PDE4B: variants seen among roughly 807,000 people sequenced by gnomAD.
PDE4B encodes phosphodiesterase 4B, also known as 3',5'-cyclic-AMP phosphodiesterase 4B.
In PDE4B, 20 loss-of-function variants were observed where a neutral mutation model predicts 82.2. The ratio of observed to expected loss-of-function variants is 0.24; its 90% confidence interval spans 0.17 to 0.35. PDE4B has a LOEUF of 0.35. PDE4B is among the 10% of genes least tolerant of loss of function. The pLI, the probability that PDE4B is intolerant of heterozygous loss-of-function variation, is 1.00. For synonymous variants in PDE4B, 320 were observed against 318.9 expected, an observed-to-expected ratio of 1.00 and a Z score of -0.04; for missense variants, 655 against 907.2, an observed-to-expected ratio of 0.72 and a Z score of 3.57.
chr1:66,065,447 T>C (rs1055267515), intron 3 of PDE4B, among the ~76,000 whole-genome samples: 40 of 151,922 alleles, frequency 2.6e-4, no homozygotes, highest in African/African-American at 8.7e-4. Flanking sequence ...GCTTATGATC[T>C]AGAATTGATA....
At chr1:66,187,185 A>G (rs1163434948) in intron 3 of PDE4B, among the ~76,000 whole-genome samples, 2 of 152,094 alleles carry the variant, frequency 1.3e-5, no homozygotes, top group African/African-American at 4.8e-5. Flanking sequence ...GATGAAGCCC[A>G]CTTGATCATG....
intron 1 of PDE4B, among the ~76,000 whole-genome samples, chr1:65,829,489 A>G (rs938483562): frequency 6.6e-6 from 1 of 152,218 alleles, no homozygotes; most frequent in African/African-American, 2.4e-5. Context: ...CAACAAAAAC[A>G]TAATTTTTAT....
At chr1:66,368,366 C>T (rs966491434) in intron 15 of PDE4B, among the ~76,000 whole-genome samples, 7 of 152,198 alleles carry the variant, frequency 4.6e-5, no homozygotes, top group African/African-American at 9.7e-5. Flanking sequence ...GGATTTAAAT[C>T]CCATTGACTT....
At chr1:66,082,133 A>G (rs1171041445) in intron 3 of PDE4B, among the ~76,000 whole-genome samples, 1 of 152,088 alleles carries the variant, frequency 6.6e-6, no homozygotes, top group Admixed American at 6.6e-5. Flanking sequence ...CCCATTCCCC[A>G]AATCCCAGCA....
intron 3 of PDE4B, among the ~76,000 whole-genome samples, chr1:66,064,478 G>A (rs1302525524): frequency 1.3e-5 from 2 of 151,988 alleles, no homozygotes; most frequent in African/African-American, 4.8e-5. Flanking sequence ...GCAGTCCAGA[G>A]ATAGAGAGGG....
chr1:66,240,996 T>C (rs1202816290), intron 3 of PDE4B, among the ~76,000 whole-genome samples: 1 of 152,224 alleles, frequency 6.6e-6, no homozygotes, highest in African/African-American at 2.4e-5. Flanking sequence ...CTACCTCTGG[T>C]TGAGCCTTTC....
intron 3 of PDE4B, among the ~76,000 whole-genome samples, chr1:65,930,489 C>T (rs1003897086): frequency 5.3e-5 from 8 of 152,232 alleles, no homozygotes; most frequent in Admixed American, 1.3e-4. Context: ...ATTGGGGGGT[C>T]GAGCCCTGGA....
At chr1:66,151,348 G>A (rs1320547479) in intron 3 of PDE4B, among the ~76,000 whole-genome samples, 2 of 152,090 alleles carry the variant, frequency 1.3e-5, no homozygotes, top group African/African-American at 4.8e-5. Flanking sequence ...TTCCTAATGT[G>A]GAACTTGCTG....
At chr1:66,111,924 T>C (rs567762717) in intron 3 of PDE4B, among the ~76,000 whole-genome samples, 117 of 152,186 alleles carry the variant, frequency 7.7e-4, no homozygotes, top group Non-Finnish European at 1.5e-3. Flanking sequence ...TACCAGGTTC[T>C]TTGGCAAGAC....
chr1:65,839,989 T>C (rs1001913423), intron 1 of PDE4B, among the ~76,000 whole-genome samples: 2 of 152,162 alleles, frequency 1.3e-5, no homozygotes, highest in East Asian at 1.9e-4. Context: ...TGGTATCTCA[T>C]TGTGGTTTTG....
At chr1:66,008,598 A>G (rs1652289491) in intron 3 of PDE4B, among the ~76,000 whole-genome samples, 1 of 151,990 alleles carries the variant, frequency 6.6e-6, no homozygotes, top group East Asian at 1.9e-4. Flanking sequence ...TCCTCTATCT[A>G]TTGCTGTATT....
chr1:66,031,017 T>C (rs1653744129), intron 3 of PDE4B, among the ~76,000 whole-genome samples: 1 of 152,178 alleles, frequency 6.6e-6, no homozygotes, highest in East Asian at 1.9e-4. Context: ...ATATTATGCT[T>C]TCTGCCTGGG....
intron 1 of PDE4B, among the ~76,000 whole-genome samples, chr1:65,907,595 T>A (rs1647041619): frequency 6.6e-6 from 1 of 152,246 alleles, no homozygotes; most frequent in East Asian, 1.9e-4. Context: ...AACCTTCTTT[T>A]TCTTGAACTA....
rs377487849 is a variant in PDE4B at position 66,367,936 on chromosome 1, A to G, written c.1540-7A>G. The G allele has an allele frequency of 7.4e-6, 12 of 1,613,038 alleles. No individual in the cohort carries two copies. In the African/African-American group the frequency reaches 1.5e-4, roughly 20 times the overall value. ...TATTAAGAGTTTTCATTTTCTTTTT[A>G]CCCAAGGTGTTAGCAACTGATATGT... On this transcript the variant is annotated splice_polypyrimidine_tract_variant and splice_region_variant and intron_variant, in intron 14 of 16. Transcript: ENST00000341517.
At chr1:65,891,497 G>A (rs1428847945) in intron 1 of PDE4B, among the ~76,000 whole-genome samples, 4 of 152,074 alleles carry the variant, frequency 2.6e-5, no homozygotes, top group South Asian at 2.1e-4. Flanking sequence ...TCTCATTGGT[G>A]TATCATCTTG....
At chr1:65,812,112 T>C (rs550247228) in intron 1 of PDE4B, among the ~76,000 whole-genome samples, 7 of 152,278 alleles carry the variant, frequency 4.6e-5, no homozygotes, top group African/African-American at 1.7e-4. Context: ...AGGGCTTCTT[T>C]TGGCTTTGAG....
rs1471583640 is a variant in PDE4B, at chr1:65,818,683, C to CATATATATATATATATAT, written c.-71+25436_-71+25437insTATATATATATATATATA. ...GCATACATATATATTCACACACACA[C>CATATATATATATATATAT]ACATATATATATATATATATAAAAT... On this transcript the variant is annotated intron_variant, in intron 1 of 16. Transcript: ENST00000341517. Among the ~76,000 whole-genome samples, 4 of 45,548 alleles carry CATATATATATATATATAT rather than the reference C, an allele frequency of 8.8e-5. No homozygotes were observed. The East Asian group carries it at 2.2e-3, about 25-fold the overall frequency. The allele number at this position is 45,548 out of a possible 152,430, so 29.9% of individuals were successfully genotyped here.
intron 3 of PDE4B, among the ~76,000 whole-genome samples, chr1:66,218,652 G>A (rs1003168464): frequency 3.2e-4 from 49 of 151,990 alleles, no homozygotes; most frequent in Admixed American, 3.2e-3. Flanking sequence ...ACCCCTCTGG[G>A]ACCTCTTTCC....
chr1:66,040,404 C>G (rs1180545366), intron 3 of PDE4B, among the ~76,000 whole-genome samples: 4 of 151,928 alleles, frequency 2.6e-5, no homozygotes, highest in Non-Finnish European at 5.9e-5. Flanking sequence ...ATGTTTCTTC[C>G]CACTCCCAAA....
Sources: gnomAD v4.1 joint callset for allele counts (sites outside exome capture counted in the v4.1 genomes callset) on GRCh38, gnomAD v4.1.1 for gene constraint, MANE v1.5 for transcripts, NCBI Gene and HGNC (gene_info 2026-07-23, HGNC 2026-07-21) for gene names.